Variants in EYS observed in about 807,000 individuals in gnomAD.
EYS encodes protein eyes shut homolog.
In EYS, 250 loss-of-function variants were observed where a neutral mutation model predicts 282.1. That is an observed-to-expected ratio of 0.89 (90% confidence interval 0.80 to 0.98). The LOEUF (loss-of-function observed/expected upper bound fraction) is 0.98, where lower values mean the gene tolerates loss of function less well. Among genes scored for constraint, EYS ranks in the 50% least tolerant of loss-of-function variants. The probability of loss-of-function intolerance (pLI) is 0.00; values close to 1 mark genes in which losing one functional copy is unlikely to be tolerated. For synonymous variants in EYS, 1,355 were observed against 1,282.9 expected (o/e 1.06, Z -1.20); for missense variants, 4,016 against 3,709.0 (o/e 1.08, Z -2.15).
intron 32 of EYS, among the ~76,000 whole-genome samples, chr6:64,070,383 A>C (rs1250795758): frequency 6.6e-6 from 1 of 152,162 alleles, no homozygotes; most frequent in Non-Finnish European, 1.5e-5. Flanking sequence ...TACCACTGAG[A>C]TAATCAGAAA....
intron 12 of EYS, among the ~76,000 whole-genome samples, chr6:65,092,709 T>C (rs1039003381): frequency 3.9e-5 from 6 of 152,198 alleles, no homozygotes; most frequent in Non-Finnish European, 7.3e-5. Flanking sequence ...ACGTATCTAA[T>C]TATCTTTCTG....
intron 42 of EYS, among the ~76,000 whole-genome samples, chr6:63,723,865 A>C (rs1338335255): frequency 6.6e-6 from 1 of 150,828 alleles, no homozygotes; most frequent in African/African-American, 2.4e-5. Flanking sequence ...TCTGTCCCCC[A>C]AGCTGGAGTG....
At chr6:64,031,079 C>T (rs188372038) in intron 33 of EYS, among the ~76,000 whole-genome samples, 136 of 152,364 alleles carry the variant, frequency 8.9e-4, no homozygotes, top group East Asian at 4.6e-3. Flanking sequence ...AGCTTCAGCC[C>T]GCTGATGCAC....
intron 19 of EYS, among the ~76,000 whole-genome samples, chr6:64,836,094 T>C (rs1304715580): frequency 6.7e-6 from 1 of 149,220 alleles, no homozygotes; most frequent in Non-Finnish European, 1.5e-5. Context: ...ATATATTACT[T>C]ATGTTTTAAT....
intron 22 of EYS, among the ~76,000 whole-genome samples, chr6:64,666,649 T>G (rs1350410874): frequency 6.6e-6 from 1 of 152,216 alleles, no homozygotes; most frequent in Non-Finnish European, 1.5e-5. Flanking sequence ...ATAACTGATA[T>G]GACAATGACT....
intron 30 of EYS, among the ~76,000 whole-genome samples, chr6:64,242,921 A>G (rs1002657836): frequency 1.4e-5 from 2 of 146,504 alleles, no homozygotes; most frequent in African/African-American, 4.9e-5. Flanking sequence ...GTATTCATAT[A>G]TCATACTCAT....
At chr6:63,994,016 G>A (rs1276559831) in intron 34 of EYS, among the ~76,000 whole-genome samples, 1 of 151,878 alleles carries the variant, frequency 6.6e-6, no homozygotes, top group African/African-American at 2.4e-5. Context: ...TCTTTGAAAA[G>A]GGTACCACAA....
chr6:64,534,874 G>A (rs779196925), intron 26 of EYS, among the ~76,000 whole-genome samples: 2 of 151,602 alleles, frequency 1.3e-5, no homozygotes, highest in Non-Finnish European at 2.9e-5. Context: ...CTGACATACA[G>A]TATGACTGTT....
At chr6:64,454,945 G>C (rs1437930776) in intron 26 of EYS, among the ~76,000 whole-genome samples, 10 of 152,018 alleles carry the variant, frequency 6.6e-5, no homozygotes, top group African/African-American at 2.4e-4. Context: ...TCAAGTTAAC[G>C]TATAGAAATC....
At chr6:64,081,442 A>G (rs545444104) in intron 32 of EYS, among the ~76,000 whole-genome samples, 2 of 152,326 alleles carry the variant, frequency 1.3e-5, no homozygotes, top group African/African-American at 4.8e-5. Flanking sequence ...AGATGTTACT[A>G]AAAGAGTGGT....
chr6:65,035,379 G>T (rs1772735256), intron 13 of EYS, among the ~76,000 whole-genome samples: 1 of 151,862 alleles, frequency 6.6e-6, no homozygotes, highest in Admixed American at 6.6e-5. Context: ...GACATAAAAG[G>T]CATCCAAATA....
intron 22 of EYS, among the ~76,000 whole-genome samples, chr6:64,641,064 A>G (rs1010521045): frequency 1.3e-5 from 2 of 152,178 alleles, no homozygotes; most frequent in Non-Finnish European, 2.9e-5. Flanking sequence ...TTCACAATAG[A>G]ACTACTTGGT....
chr6:65,589,934 T>A (rs930967166), intron 2 of EYS, among the ~76,000 whole-genome samples: 1 of 152,108 alleles, frequency 6.6e-6, no homozygotes, highest in African/African-American at 2.4e-5. Context: ...GTCTTTATAA[T>A]GTCTACAATT....
chr6:63,875,407 C>A (rs1015698496), intron 35 of EYS, among the ~76,000 whole-genome samples: 2 of 152,164 alleles, frequency 1.3e-5, no homozygotes, highest in Non-Finnish European at 2.9e-5. Context: ...CATTGATGTT[C>A]ATCAGGGACA....
At chr6:65,609,705 CA>C (rs1473578368) in intron 2 of EYS, among the ~76,000 whole-genome samples, 1 of 152,042 alleles carries the variant, frequency 6.6e-6, no homozygotes, top group East Asian at 1.9e-4. Context: ...AAACCAATGA[CA>C]AAAAGTTCTT....
intron 33 of EYS, among the ~76,000 whole-genome samples, chr6:64,045,946 GTAT>G (rs1770605773): frequency 7.0e-6 from 1 of 143,842 alleles, no homozygotes; most frequent in African/African-American, 2.5e-5. Context: ...ATATATGTGT[GTAT>G]TATATATTTT....
At position 64,066,362 on chromosome 6, in the gene EYS, T is replaced by TTTGTG; in HGVS notation, c.6696_6700dup (p.Asn2234ThrfsTer24). 1.9e-6 allele frequency: 3 copies of TTTGTG among 1,551,788 alleles called. No homozygotes were observed. Among genetic ancestry groups the TTTGTG allele is most frequent in the Non-Finnish European group, 2.6e-6 (3 of 1,146,920 alleles). On this transcript the variant is annotated frameshift_variant, in exon 33 of 43. Transcript: ENST00000503581. LOFTEE classifies it high-confidence loss of function. Reference sequence around the variant, plus strand: ...CCGTATTGTGATAGGGGTGAATGCATTTGTGTTAATGCTGTAATTAGCAGA... The same window carrying TTTGTG: ...CCGTATTGTGATAGGGGTGAATGCATTTGTGTTGTGTTAATGCTGTAATTAGCAGA...
At chr6:64,422,891 T>C (rs1478942802) in intron 28 of EYS, among the ~76,000 whole-genome samples, 1 of 152,188 alleles carries the variant, frequency 6.6e-6, no homozygotes, top group East Asian at 1.9e-4. Flanking sequence ...AATAGTTCAT[T>C]TTATATAGAT....
At chr6:64,439,839 T>C (rs753637746) in intron 26 of EYS, among the ~76,000 whole-genome samples, 1 of 151,878 alleles carries the variant, frequency 6.6e-6, no homozygotes, top group South Asian at 2.1e-4. Flanking sequence ...CTGAATGATA[T>C]TCTAATTAGC....
Sources: allele counts gnomAD v4.1 joint callset (sites outside exome capture counted in the v4.1 genomes callset), GRCh38; gene constraint gnomAD v4.1.1; transcripts MANE v1.5; gene names NCBI Gene and HGNC (gene_info 2026-07-23, HGNC 2026-07-21).